TMTC4: variants seen among roughly 807,000 people sequenced by gnomAD.
TMTC4 encodes protein O-mannosyl-transferase TMTC4.
Under a neutral mutation model 86.0 loss-of-function variants are expected in TMTC4, and 65 were observed. The ratio of observed to expected loss-of-function variants is 0.76; its 90% CI spans 0.62 to 0.93. The LOEUF is 0.93. Among genes scored for constraint, TMTC4 ranks in the 40% least tolerant of loss-of-function variants. The pLI is 0.00. For missense variants in TMTC4, 866 were observed against 948.1 expected (o/e 0.91, Z 1.14); for synonymous variants, 379 against 382.5 (o/e 0.99, Z 0.11).
At chr13:100,628,037 G>A (rs2050686) in intron 12 of TMTC4, among the ~76,000 whole-genome samples, 123,906 of 152,108 alleles carry the variant, frequency 0.81, 51,164 homozygotes, top group East Asian at 0.97. Context: ...TCAAGAACAA[G>A]TGGTAGGTTC....
intron 6 of TMTC4, among the ~76,000 whole-genome samples, chr13:100,651,605 C>T (rs1884456590): frequency 6.6e-6 from 1 of 150,404 alleles, no homozygotes; most frequent in Admixed American, 6.6e-5. Context: ...AGAATAAACT[C>T]AAGCAGTTAA....
At chr13:100,644,192 G>T (rs769628593) in intron 6 of TMTC4, among the ~76,000 whole-genome samples, 1 of 146,846 alleles carries the variant, frequency 6.8e-6, no homozygotes, top group Admixed American at 6.8e-5. Flanking sequence ...TGCAAGTTCC[G>T]CCTCCTGGGT....
chr13:100,616,171 A>G (rs1272974920), intron 15 of TMTC4, among the ~76,000 whole-genome samples: 2 of 151,256 alleles, frequency 1.3e-5, no homozygotes, highest in South Asian at 2.1e-4. Context: ...TGTCTTTGCT[A>G]TTGTGAATAG....
chr13:100,609,927 C>T (rs1877298614), intron 17 of TMTC4, among the ~76,000 whole-genome samples: 1 of 152,176 alleles, frequency 6.6e-6, no homozygotes, highest in African/African-American at 2.4e-5. Flanking sequence ...AACGAGAACA[C>T]TCACTCTGCA....
At chr13:100,618,817 G>A (rs1026392738) in intron 15 of TMTC4, among the ~76,000 whole-genome samples, 31 of 152,204 alleles carry the variant, frequency 2.0e-4, no homozygotes, top group Non-Finnish European at 8.8e-5. Context: ...TAAGGTCACC[G>A]ATTAGCAGGA....
In TMTC4 at chr13:100,620,719, G is replaced by A. The variant is rs530681900; in HGVS notation, c.1836+4816C>T. 3.3e-5 allele frequency among the ~76,000 whole-genome samples: 5 copies of A among 152,194 alleles called. No homozygotes were observed. In the South Asian group the frequency reaches 1.0e-3, roughly 32 times the overall value. ...ATTAGTAATATGTCCCAGTAATTGC[G>A]CTCTTCCTGACTTCCTATTCCACAA... On this transcript the variant is annotated intron_variant, in intron 15 of 18. Coordinates refer to ENST00000342624, the MANE Select transcript of TMTC4 (RefSeq NM_032813.5).
At chr13:100,606,254 T>G in intron 18 of TMTC4, 104 bp downstream of exon 18, 4 of 950,712 alleles carry the variant, frequency 4.2e-6, no homozygotes, top group Non-Finnish European at 6.5e-6. Flanking sequence ...AAAGCCAGGC[T>G]AGCTTTGAAA....
At chr13:100,613,256 G>C (rs1231589123) in intron 16 of TMTC4, among the ~76,000 whole-genome samples, 3 of 152,024 alleles carry the variant, frequency 2.0e-5, no homozygotes, top group Admixed American at 6.6e-5. Flanking sequence ...CCAGCCCCTA[G>C]GAACTACTGT....
chr13:100,612,533 TAA>T (rs1450863112), intron 16 of TMTC4, 23 bp from the exon 17 acceptor site: 1 of 1,567,932 alleles, frequency 6.4e-7, no homozygotes, highest in Non-Finnish European at 8.8e-7. Context: ...AATGGAAAAA[TAA>T]AAGACATGTT....
chr13:100,633,949 G>A (rs934428585), intron 12 of TMTC4, among the ~76,000 whole-genome samples: 2 of 152,288 alleles, frequency 1.3e-5, no homozygotes, highest in East Asian at 3.9e-4. Context: ...AGATCAGCTT[G>A]GCCAACATGG....
rs1331924574 is a variant in TMTC4, at chr13:100,604,363, T to C, written c.*631A>G. 1.3e-5 allele frequency: 2 copies of C among 152,568 alleles called. No individual in the cohort carries two copies. The highest frequency in any genetic ancestry group is 2.9e-5 in the Non-Finnish European group (2 of 68,032). The allele number at this position is 152,568 out of a possible 1,614,324, so 9.5% of individuals were successfully genotyped here. A position where few individuals can be genotyped will look rare whatever the true frequency, so the allele number is the denominator to read the frequency against. ...TATTGAAATTGCACAAGTCAGAGCA[T>C]CCAAAAACTGCAAGAGTCAATTTCT... is the stretch of plus-strand genomic sequence containing the variant. On this transcript the variant is annotated 3_prime_UTR_variant, in exon 19 of 19. Transcript: ENST00000342624.
chr13:100,662,652 T>C (rs560018601), intron 5 of TMTC4, among the ~76,000 whole-genome samples: 4 of 152,296 alleles, frequency 2.6e-5, no homozygotes, highest in Non-Finnish European at 5.9e-5. Flanking sequence ...CAGCTGGTGT[T>C]ATGCTAGAAG....
intron 9 of TMTC4, 45 bp downstream of exon 9, chr13:100,637,493 G>T: frequency 1.3e-6 from 2 of 1,571,450 alleles, no homozygotes; most frequent in South Asian, 2.3e-5. Context: ...TGGGAATCTG[G>T]TGGGGGAAGA....
intron 15 of TMTC4, chr13:100,625,174 A>G (rs896415414): frequency 2.1e-5 from 5 of 243,364 alleles, no homozygotes; most frequent in African/African-American, 6.8e-5. Context: ...TGTTACTTTA[A>G]TCTCTGTTCT....
chr13:100,637,495 G>T (rs754717590), intron 9 of TMTC4, 43 bp downstream of exon 9: 4 of 1,572,416 alleles, frequency 2.5e-6, no homozygotes, highest in Non-Finnish European at 2.6e-6. Context: ...GGAATCTGGT[G>T]GGGGAAGAAA....
chr13:100,609,562 T>A (rs1877214966), intron 17 of TMTC4, among the ~76,000 whole-genome samples: 1 of 152,130 alleles, frequency 6.6e-6, no homozygotes, highest in African/African-American at 2.4e-5. Context: ...GTATTTTTGC[T>A]TTACCACATT....
chr13:100,671,893 A>C (rs1296705972), intron 1 of TMTC4, among the ~76,000 whole-genome samples: 1 of 151,882 alleles, frequency 6.6e-6, no homozygotes, highest in Non-Finnish European at 1.5e-5. Flanking sequence ...AAAAAAAAAA[A>C]AGCTACAATT....
At chr13:100,638,131 G>C (rs1282676376) in intron 7 of TMTC4, 109 bp from the exon 8 acceptor site, 9 of 764,034 alleles carry the variant, frequency 1.2e-5, no homozygotes, top group African/African-American at 5.3e-5. Flanking sequence ...ACATAGACTA[G>C]AGAATCACGG....
intron 5 of TMTC4, among the ~76,000 whole-genome samples, chr13:100,659,549 T>G (rs1420804689): frequency 6.6e-6 from 1 of 152,036 alleles, no homozygotes; most frequent in African/African-American, 2.4e-5. Context: ...ACAAGCCACT[T>G]CTGTCCTCAG....
Sources: allele counts gnomAD v4.1 joint callset (sites outside exome capture counted in the v4.1 genomes callset), GRCh38; gene constraint gnomAD v4.1.1; transcripts MANE v1.5; gene names NCBI Gene and HGNC (gene_info 2026-07-23, HGNC 2026-07-21).